PEAK1: variants seen among roughly 807,000 people sequenced by gnomAD.
PEAK1 encodes inactive tyrosine-protein kinase PEAK1.
In PEAK1, 54 loss-of-function variants were observed where a neutral mutation model predicts 124.7. The observed-to-expected ratio is 0.43, with a 90% CI of 0.35 to 0.54. The LOEUF is 0.54. Among genes scored for constraint, PEAK1 ranks in the 20% least tolerant of loss-of-function variants. PEAK1 has a pLI of 0.01. For missense variants in PEAK1, 2,046 were observed against 2,134.5 expected, an observed-to-expected ratio of 0.96 and a Z score of 0.82; for synonymous variants, 719 against 760.0, an observed-to-expected ratio of 0.95 and a Z score of 0.89.
upstream of PEAK1, chr15:77,420,633 A>AAAC (rs1555507224): frequency 1.3e-5 from 5 of 379,278 alleles, no homozygotes; most frequent in Non-Finnish European, 1.9e-5. Flanking sequence ...ATAAAAAAAA[A>AAAC]AAAACTACAT....
chr15:77,154,720 T>C (rs1032211418), intron 8 of PEAK1, among the ~76,000 whole-genome samples: 1 of 151,942 alleles, frequency 6.6e-6, no homozygotes, highest in East Asian at 1.9e-4. Flanking sequence ...GTCTGTAAAG[T>C]ATTTTATTTC....
rs567817216 is a variant in PEAK1 at position 77,140,738 on chromosome 15, C to CT, written c.3332-6989dup. ...TCTTTTTTTTTCTTTTTCTTTGTGT[C>CT]TTTTTTTTTTTTCCCAGACAGGGTC... On this transcript the variant is annotated intron_variant, in intron 8 of 9. Coordinates refer to ENST00000682557, the MANE Select transcript of PEAK1 (RefSeq NM_001385026.1). 2.7e-3 allele frequency among the ~76,000 whole-genome samples: 388 copies of CT among 144,438 alleles called. 1 individual carries two copies. Among genetic ancestry groups the CT allele is most frequent in the South Asian group, 4.1e-3 (19 of 4,590 alleles). 94.8% of individuals were successfully genotyped at this position (144,438 alleles called of 152,430 possible). A position where few individuals can be genotyped will look rare whatever the true frequency, so the allele number is the denominator to read the frequency against.
chr15:77,354,862 A>C (rs1271124463), intron 2 of PEAK1, among the ~76,000 whole-genome samples: 2 of 152,022 alleles, frequency 1.3e-5, no homozygotes, highest in African/African-American at 4.8e-5. Flanking sequence ...ACACGGTGAA[A>C]CCCTGTCTCT....
At chr15:77,240,141 A>C (rs1176288061) in intron 6 of PEAK1, among the ~76,000 whole-genome samples, 3 of 152,228 alleles carry the variant, frequency 2.0e-5, no homozygotes, top group Non-Finnish European at 4.4e-5. Flanking sequence ...TTTGCTGACA[A>C]GTAAATGCTC....
chr15:77,266,529 T>G (rs1289370371), intron 5 of PEAK1, among the ~76,000 whole-genome samples: 8 of 152,124 alleles, frequency 5.3e-5, no homozygotes, highest in Admixed American at 5.2e-4. Context: ...ACAGAAGACT[T>G]AAATGAAATG....
At chr15:77,116,612 C>T (rs1202288617) in intron 9 of PEAK1, among the ~76,000 whole-genome samples, 1 of 151,620 alleles carries the variant, frequency 6.6e-6, no homozygotes, top group Non-Finnish European at 1.5e-5. Context: ...AAAAGCATCT[C>T]TCTCTCTCTT....
intron 9 of PEAK1, among the ~76,000 whole-genome samples, chr15:77,115,887 T>G (rs1292139828): frequency 6.6e-6 from 1 of 152,188 alleles, no homozygotes; most frequent in Non-Finnish European, 1.5e-5. Flanking sequence ...ATGAATGTCA[T>G]TGTGATGGTC....
In PEAK1 at chr15:77,214,300, C is replaced by T. The variant is rs773571572; in HGVS notation, c.-114-32260G>A. The stretch of plus-strand genomic sequence containing the variant: ...TTCCTATACCTCTATAAAGACATAC[C>T]CAAGACTGGGTAATTTATAAAGAAA... On this transcript the variant is annotated intron_variant, in intron 6 of 9. Coordinates refer to ENST00000682557, the MANE Select transcript of PEAK1 (RefSeq NM_001385026.1). Among the ~76,000 whole-genome samples the T allele has an allele frequency of 2.0e-5, 3 of 151,632 alleles. No individual in the cohort carries two copies. The South Asian group carries it at 6.3e-4, about 32-fold the overall frequency.
In PEAK1 at chr15:77,265,127, C is replaced by T. The variant is rs557976900; in HGVS notation, c.-274-12601G>A. ...ATTCAAGATGGATTAAAGACTTAAA[C>T]GTTAGACCTAAAACCATAAAAACCC... is the stretch of plus-strand genomic sequence containing the variant. On this transcript the variant is annotated intron_variant, in intron 5 of 9. Transcript: ENST00000682557. Among the ~76,000 whole-genome samples the T allele has an allele frequency of 1.1e-3, 160 of 152,192 alleles. 2 individuals are homozygous for T. The South Asian group carries it at 0.011, about 10-fold the overall frequency.
chr15:77,380,243 GGTTAT>G (rs2069366053), intron 1 of PEAK1, among the ~76,000 whole-genome samples: 1 of 152,048 alleles, frequency 6.6e-6, no homozygotes, highest in African/African-American at 2.4e-5. Context: ...AATACACGCT[GGTTAT>G]GTAATAATAC....
intron 2 of PEAK1, chr15:77,333,789 G>C: frequency 2.3e-6 from 2 of 868,126 alleles, no homozygotes; most frequent in Non-Finnish European, 2.8e-6. Context: ...ATATCATATG[G>C]TTTTAATCAT....
At chr15:77,187,186 C>T (rs1463613740) in intron 6 of PEAK1, among the ~76,000 whole-genome samples, 3 of 152,130 alleles carry the variant, frequency 2.0e-5, no homozygotes, top group South Asian at 2.1e-4. Flanking sequence ...ATGGCTGAAG[C>T]TGCCCCTAGG....
chr15:77,173,761 T>C (rs1055014799), intron 7 of PEAK1, among the ~76,000 whole-genome samples: 1 of 152,246 alleles, frequency 6.6e-6, no homozygotes, highest in Non-Finnish European at 1.5e-5. Context: ...CTCTGTGACT[T>C]TGCATATATT....
At chr15:77,262,883 C>A (rs937798402) in intron 5 of PEAK1, among the ~76,000 whole-genome samples, 22 of 152,120 alleles carry the variant, frequency 1.4e-4, no homozygotes, top group Non-Finnish European at 1.5e-5. Context: ...TGTAAAAGAA[C>A]AGAAATTATA....
At chr15:77,348,632 T>C (rs2067015359) in intron 2 of PEAK1, 5 of 983,702 alleles carry the variant, frequency 5.1e-6, no homozygotes, top group South Asian at 4.7e-5. Context: ...AAATGTGGTA[T>C]ACATTTTATA....
chr15:77,290,976 C>A (rs996334010), intron 2 of PEAK1, among the ~76,000 whole-genome samples: 2 of 152,066 alleles, frequency 1.3e-5, no homozygotes, highest in African/African-American at 4.8e-5. Flanking sequence ...AACTATATAG[C>A]CATATAAGAC....
chr15:77,222,305 CTG>C (rs1331543938), intron 6 of PEAK1, among the ~76,000 whole-genome samples: 1 of 151,942 alleles, frequency 6.6e-6, no homozygotes, highest in Non-Finnish European at 1.5e-5. Flanking sequence ...ATGCCTCACA[CTG>C]AGAAAATTAA....
At position 77,114,363 on chromosome 15, in the gene PEAK1, G is replaced by A. The variant is rs1349006738; in HGVS notation, c.5034C>T (p.Phe1678=). 6.2e-7 allele frequency: 1 copy of A among 1,614,098 alleles called. No homozygotes were observed. The highest frequency in any genetic ancestry group is 2.2e-5 in the East Asian group (1 of 44,892). Residue 1678 remains phenylalanine (F), a synonymous_variant, in exon 10 of 10, where the codon TTC becomes TTT. Coordinates refer to ENST00000682557, the MANE Select transcript of PEAK1 (RefSeq NM_001385026.1). ...WGPREDLFQT[F]TACPSLVQRN... ...TCTGTACTAGGCTAGGGCAGGCGGTGAAAGTCTGGAAGAGATCTTCGCGGG... is the reference window on the plus strand; with the variant it reads ...TCTGTACTAGGCTAGGGCAGGCGGTAAAAGTCTGGAAGAGATCTTCGCGGG...
chr15:77,232,620 C>T (rs1196373515), intron 6 of PEAK1, among the ~76,000 whole-genome samples: 2 of 152,212 alleles, frequency 1.3e-5, no homozygotes, highest in Non-Finnish European at 2.9e-5. Flanking sequence ...CTCACACACA[C>T]TGCCTTTTCT....
Sources: gnomAD v4.1 joint callset for allele counts (sites outside exome capture counted in the v4.1 genomes callset) on GRCh38, gnomAD v4.1.1 for gene constraint, MANE v1.5 for transcripts, NCBI Gene and HGNC (gene_info 2026-07-23, HGNC 2026-07-21) for gene names.